Variants in BMAL1 observed in about 807,000 individuals in gnomAD.
The protein encoded by BMAL1 is basic helix-loop-helix ARNT like 1.
At chr11:13,378,675 C>A in the BMAL1 span, 1 of 531,180 alleles carries the variant, frequency 1.9e-6, no homozygotes, top group Non-Finnish European at 3.2e-6. Flanking sequence ...ATTATCCAAT[C>A]CAAAATGTTA....
chr11:13,364,535 G>T, the BMAL1 span, among the ~76,000 whole-genome samples: 1 of 152,226 alleles, frequency 6.6e-6, no homozygotes, highest in Admixed American at 6.5e-5. Context: ...AGTCCACTGT[G>T]TATTAGAACG....
At chr11:13,375,529 C>A in the BMAL1 span, 3 of 1,201,882 alleles carry the variant, frequency 2.5e-6, no homozygotes, top group Non-Finnish European at 3.4e-6. Context: ...AGCTCAAGTA[C>A]CTTTAATATT....
the BMAL1 span, among the ~76,000 whole-genome samples, chr11:13,322,381 C>G: frequency 6.6e-6 from 1 of 152,200 alleles, no homozygotes; most frequent in Non-Finnish European, 1.5e-5. Flanking sequence ...TGTTAAGAAA[C>G]TCCTCAAAGG....
chr11:13,378,484 TTC>T, the BMAL1 span: 1 of 1,581,378 alleles, frequency 6.3e-7, no homozygotes, highest in East Asian at 2.3e-5. Context: ...AAACCAGTGG[TTC>T]TCAACCCAGG....
chr11:13,360,539 CCTCT>C, the BMAL1 span: 51 of 848,064 alleles, frequency 6.0e-5, no homozygotes, highest in Admixed American at 8.4e-4. Flanking sequence ...AGGCCTGCTT[CCTCT>C]CTCAGGTCCC....
chr11:13,348,365 G>A, the BMAL1 span, among the ~76,000 whole-genome samples: 2 of 152,208 alleles, frequency 1.3e-5, no homozygotes, highest in African/African-American at 4.8e-5. Context: ...AGGGGGAACA[G>A]TGAAGCTATT....
At chr11:13,284,192 ATGTGTGTATATATATATG>A in the BMAL1 span, among the ~76,000 whole-genome samples, 2 of 59,624 alleles carry the variant, frequency 3.4e-5, no homozygotes, top group Non-Finnish European at 5.4e-5. Context: ...ATATATATAT[ATGTGTGTATATATATATG>A]TGTATATATA....
chr11:13,332,046 A>G, the BMAL1 span, among the ~76,000 whole-genome samples: 3 of 152,162 alleles, frequency 2.0e-5, no homozygotes, highest in Non-Finnish European at 2.9e-5. Flanking sequence ...AAGACGTACT[A>G]GGATTTGGCT....
chr11:13,358,350 C>T, the BMAL1 span: 4 of 1,376,664 alleles, frequency 2.9e-6, no homozygotes, highest in African/African-American at 1.5e-5. Context: ...ACATTGAAAA[C>T]AGTTACAACT....
the BMAL1 span, among the ~76,000 whole-genome samples, chr11:13,313,814 A>T: frequency 6.6e-6 from 1 of 152,102 alleles, no homozygotes; most frequent in Non-Finnish European, 1.5e-5. Flanking sequence ...TGCTTAGAAA[A>T]TAAAAGCTAA....
At chr11:13,349,792 C>T in the BMAL1 span, among the ~76,000 whole-genome samples, 64 of 152,198 alleles carry the variant, frequency 4.2e-4, 2 homozygotes, top group East Asian at 7.0e-3. Context: ...TGGTGAGTGC[C>T]GGTAGAGTGT....
At chr11:13,286,159 G>T in the BMAL1 span, among the ~76,000 whole-genome samples, 1 of 152,196 alleles carries the variant, frequency 6.6e-6, no homozygotes, top group Non-Finnish European at 1.5e-5. Flanking sequence ...AAACATACTG[G>T]TTGGTATCAG....
chr11:13,357,046 TC>T, the BMAL1 span: 2 of 1,613,936 alleles, frequency 1.2e-6, no homozygotes, highest in East Asian at 2.2e-5. The surrounding 1 kb of genome is among the most constrained non-coding windows in gnomAD (Gnocchi z 4.8). Flanking sequence ...TGCTTTTTCC[TC>T]CCCCCAGGTT....
the BMAL1 span, among the ~76,000 whole-genome samples, chr11:13,319,831 A>T: frequency 4.2e-4 from 64 of 152,306 alleles, 1 homozygote; most frequent in Non-Finnish European, 1.5e-4. Context: ...AGGCTGGGTC[A>T]GCATTTGAAG....
chr11:13,308,788 C>T, the BMAL1 span, among the ~76,000 whole-genome samples: 518 of 152,090 alleles, frequency 3.4e-3, 2 homozygotes, highest in African/African-American at 0.011. Context: ...AAGATAGTAC[C>T]GTAGGAATCC....
the BMAL1 span, among the ~76,000 whole-genome samples, chr11:13,278,871 G>A: frequency 6.6e-6 from 1 of 152,206 alleles, no homozygotes; most frequent in Non-Finnish European, 1.5e-5. Context: ...CTTCCCGTTT[G>A]CTTGGAAGAA....
At chr11:13,306,359 AAAG>A in the BMAL1 span, among the ~76,000 whole-genome samples, 3 of 152,172 alleles carry the variant, frequency 2.0e-5, no homozygotes, top group African/African-American at 2.4e-5. Context: ...ACTGCAGCAG[AAAG>A]AAGGACAGGA....
At chr11:13,372,011 GC>G in the BMAL1 span, among the ~76,000 whole-genome samples, 1 of 152,110 alleles carries the variant, frequency 6.6e-6, no homozygotes, top group Non-Finnish European at 1.5e-5. Flanking sequence ...CTTTCCGTCT[GC>G]CCCTTTCATT....
chr11:13,296,171 C>T, the BMAL1 span, among the ~76,000 whole-genome samples: 1 of 152,156 alleles, frequency 6.6e-6, no homozygotes, highest in Admixed American at 6.5e-5. Flanking sequence ...TCTTTTGTCC[C>T]CTCCTTCTGG....
Sources: allele counts gnomAD v4.1 joint callset (sites outside exome capture counted in the v4.1 genomes callset), GRCh38; gene constraint gnomAD v4.1.1; non-coding constraint Gnocchi (gnomAD v3.1); transcripts MANE v1.5; gene names NCBI Gene and HGNC (gene_info 2026-07-23, HGNC 2026-07-21).